The following RBM33 variants were observed in gnomAD, a reference collection of about 807,000 sequenced individuals.
RBM33 encodes RNA binding motif protein 33.
RBM33 carries 28 observed loss-of-function variants against 132.6 expected under a neutral mutation model. The observed-to-expected ratio is 0.21, with a 90% CI of 0.16 to 0.29. The LOEUF (loss-of-function observed/expected upper bound fraction) is 0.29. RBM33 is among the 10% of genes least tolerant of loss of function. The pLI is 1.00. For missense variants in RBM33, 1,291 were observed against 1,518.5 expected, an observed-to-expected ratio of 0.85 and a Z score of 2.49; for synonymous variants, 634 against 593.0, an observed-to-expected ratio of 1.07 and a Z score of -1.01.
chr7:155,664,362 C>G (rs7786500), intron 1 of RBM33, among the ~76,000 whole-genome samples: 97,322 of 151,186 alleles, frequency 0.64, 32,270 homozygotes, highest in South Asian at 0.77. Context: ...AGCGATTCTC[C>G]TGCCTCAGCC....
At chr7:155,696,631 T>G (rs1799801503) in intron 5 of RBM33, among the ~76,000 whole-genome samples, 1 of 152,252 alleles carries the variant, frequency 6.6e-6, no homozygotes, top group South Asian at 2.1e-4. Context: ...TGTTGATGCT[T>G]CTTTTTTGCA....
chr7:155,734,242 G>A (rs561270688), intron 9 of RBM33, among the ~76,000 whole-genome samples: 18 of 152,356 alleles, frequency 1.2e-4, no homozygotes, highest in African/African-American at 4.3e-4. Context: ...CTGAGTGCGT[G>A]CTTCTGTGGG....
At chr7:155,748,032 T>C (rs1585524140) in intron 14 of RBM33, among the ~76,000 whole-genome samples, 1 of 152,228 alleles carries the variant, frequency 6.6e-6, no homozygotes, top group East Asian at 1.9e-4. Context: ...GTGGTCTTAA[T>C]GCTCAGGGAT....
intron 7 of RBM33, among the ~76,000 whole-genome samples, chr7:155,707,869 AG>A (rs1800161284): frequency 6.6e-6 from 1 of 152,210 alleles, no homozygotes; most frequent in Non-Finnish European, 1.5e-5. Flanking sequence ...CATGTTGGCC[AG>A]GGTGGTCTCG....
intron 16 of RBM33, chr7:155,767,043 A>G (rs1802246319): frequency 4.5e-6 from 1 of 224,458 alleles, no homozygotes; most frequent in South Asian, 6.3e-5. Flanking sequence ...CTTTCCAGAA[A>G]TAGCTTCATG....
At position 155,722,084 on chromosome 7, in the gene RBM33, T is replaced by A. The variant is rs577698051; in HGVS notation, c.1260+3641T>A. ...AAAAATTAGATTTATGTACTTAATT[T>A]TAGTTACAGATATGCACGTTAGTTC... On this transcript the variant is annotated intron_variant, in intron 9 of 17. Transcript: ENST00000401878. Among the ~76,000 whole-genome samples, 8 of 152,354 alleles carry A rather than the reference T, an allele frequency of 5.3e-5. 1 individual carries two copies. Among genetic ancestry groups the A allele is most frequent in the Middle Eastern group, 6.8e-3 (2 of 294 alleles).
intron 2 of RBM33, among the ~76,000 whole-genome samples, chr7:155,666,696 G>C (rs193098917): frequency 9.9e-5 from 15 of 152,156 alleles, no homozygotes; most frequent in East Asian, 9.7e-4. Context: ...TGAATGGTCT[G>C]TTCATATCTG....
At chr7:155,646,074 ATTAC>A (rs1798180529) in intron 1 of RBM33, among the ~76,000 whole-genome samples, 1 of 152,184 alleles carries the variant, frequency 6.6e-6, no homozygotes. Flanking sequence ...GGGGGTCAGA[ATTAC>A]TTGTTTTATA....
intron 13 of RBM33, 32 bp from the exon 14 acceptor site, chr7:155,744,929 G>A: frequency 6.6e-7 from 1 of 1,520,690 alleles, no homozygotes; most frequent in Admixed American, 2.3e-5. Flanking sequence ...TGCCTGTATA[G>A]CAAAGTAAAC....
At chr7:155,666,309 C>T (rs1798800218) in intron 2 of RBM33, among the ~76,000 whole-genome samples, 1 of 152,202 alleles carries the variant, frequency 6.6e-6, no homozygotes, top group Non-Finnish European at 1.5e-5. Flanking sequence ...CAGAAGATAG[C>T]TCAGCTCAAG....
chr7:155,722,422 G>C (rs1693594601), intron 9 of RBM33, among the ~76,000 whole-genome samples: 1 of 152,188 alleles, frequency 6.6e-6, no homozygotes, highest in Non-Finnish European at 1.5e-5. Context: ...TGGAAGGCTA[G>C]TTACCTTTCT....
intron 16 of RBM33, among the ~76,000 whole-genome samples, chr7:155,768,018 G>A (rs1371963252): frequency 6.6e-6 from 1 of 152,182 alleles, no homozygotes; most frequent in Non-Finnish European, 1.5e-5. Flanking sequence ...AGATGGGTGC[G>A]CTTGGCGAGG....
chr7:155,739,645 A>G, intron 11 of RBM33, 70 bp from the exon 12 acceptor site: 6 of 1,440,866 alleles, frequency 4.2e-6, no homozygotes, highest in Non-Finnish European at 5.5e-6. Flanking sequence ...TTTTTTAGGA[A>G]ATGATTGAAG....
chr7:155,688,703 T>C lies in RBM33; in HGVS notation c.567+7795T>C, dbSNP rs138992098. Among the ~76,000 whole-genome samples the C allele has an allele frequency of 1.4e-4, 21 of 152,368 alleles. No individual in the cohort carries two copies. In the East Asian group the frequency reaches 4.0e-3, roughly 29 times the overall value. The stretch of plus-strand genomic sequence containing the variant: ...TAGCATGAAGGGCTGTTAAATTTTG[T>C]TGAAGGCTTTTTCTGCATCTGTTGA... On this transcript the variant is annotated intron_variant, in intron 5 of 17. Coordinates refer to ENST00000401878, the MANE Select transcript of RBM33 (RefSeq NM_053043.3).
chr7:155,702,218 C>G (rs780363758), intron 6 of RBM33, among the ~76,000 whole-genome samples: 5 of 152,200 alleles, frequency 3.3e-5, no homozygotes, highest in Non-Finnish European at 5.9e-5. Context: ...AAACATGAGC[C>G]TGTATCTTTA....
intron 2 of RBM33, among the ~76,000 whole-genome samples, chr7:155,670,389 A>G (rs947013255): frequency 2.6e-5 from 4 of 152,194 alleles, no homozygotes; most frequent in African/African-American, 9.7e-5. Flanking sequence ...CCATTAGTTC[A>G]TTGTTGTTTT....
rs1259766184 is a variant in RBM33, at chr7:155,779,250, G to A, written c.*4209G>A. 2.0e-5 allele frequency: 3 copies of A among 150,886 alleles called. No homozygotes were observed. In the East Asian group the frequency reaches 5.8e-4, roughly 29 times the overall value. The allele number at this position is 150,886 out of a possible 1,614,324, so 9.3% of individuals were successfully genotyped here. A position where few individuals can be genotyped will look rare whatever the true frequency, so the allele number is the denominator to read the frequency against. ...GAGGGAGGGGGGTGGGCGAGAGAAA[G>A]CTCGAAAGGTATTATTGGTTTTTCA... On this transcript the variant is annotated 3_prime_UTR_variant, in exon 18 of 18. Coordinates refer to ENST00000401878, the MANE Select transcript of RBM33 (RefSeq NM_053043.3).
At chr7:155,707,146 C>G in intron 7 of RBM33, 78 bp downstream of exon 7, 1 of 1,190,376 alleles carries the variant, frequency 8.4e-7, no homozygotes. Context: ...TCCTAGTATA[C>G]ATTTCTCTCT....
chr7:155,749,639 C>T (rs1205820907), intron 14 of RBM33, among the ~76,000 whole-genome samples: 1 of 152,136 alleles, frequency 6.6e-6, no homozygotes, highest in Non-Finnish European at 1.5e-5. Flanking sequence ...ATTTTGGTTG[C>T]CAGTGCAACA....
Sources: allele counts gnomAD v4.1 joint callset (sites outside exome capture counted in the v4.1 genomes callset), GRCh38; gene constraint gnomAD v4.1.1; transcripts MANE v1.5; gene names NCBI Gene and HGNC (gene_info 2026-07-23, HGNC 2026-07-21).